The following CXADR variants were observed in gnomAD, a reference collection of about 807,000 sequenced individuals.
The protein encoded by CXADR is coxsackievirus and adenovirus receptor.
CXADR carries 20 observed loss-of-function variants against 40.3 expected under a neutral mutation model. The observed-to-expected ratio is 0.50, with a 90% confidence interval of 0.35 to 0.72. The LOEUF (loss-of-function observed/expected upper bound fraction) is 0.72. Among genes scored for constraint, CXADR ranks in the 30% least tolerant of loss-of-function variants. The probability of loss-of-function intolerance (pLI) is 0.01; values close to 1 mark genes in which losing one functional copy is unlikely to be tolerated. For synonymous variants in CXADR, 150 were observed against 161.3 expected (o/e 0.93, Z 0.53); for missense variants, 332 against 449.1 (o/e 0.74, Z 2.36).
intron 1 of CXADR, among the ~76,000 whole-genome samples, chr21:17,523,271 G>A (rs549951796): frequency 6.6e-5 from 10 of 152,180 alleles, no homozygotes; most frequent in African/African-American, 2.4e-4. Flanking sequence ...ATGGCACAGG[G>A]CATGTTCATT....
intron 7 of CXADR, among the ~76,000 whole-genome samples, chr21:17,591,060 T>A (rs541186860): frequency 1.1e-3 from 161 of 152,034 alleles, no homozygotes; most frequent in East Asian, 2.3e-3. Context: ...TTCCTTTTTT[T>A]AAAAAAAATC....
At position 17,569,574 on chromosome 21, in the gene CXADR, G is replaced by A. The variant is rs1221681584; in HGVS notation, c.*3882G>A. ...AATTCCTTTTATAAATGTTATAGAAGCAGGGAAGAATAATAAACACATTTG... is the reference window on the plus strand; with the variant it reads ...AATTCCTTTTATAAATGTTATAGAAACAGGGAAGAATAATAAACACATTTG... On this transcript the variant is annotated 3_prime_UTR_variant, in exon 7 of 7. Coordinates refer to ENST00000284878, the MANE Select transcript of CXADR (RefSeq NM_001338.5). 1.0e-6 allele frequency: 1 copy of A among 985,110 alleles called. No homozygotes were observed. Among genetic ancestry groups the A allele is most frequent in the Non-Finnish European group, 1.2e-6 (1 of 829,850 alleles). 61.0% of individuals were successfully genotyped at this position (985,110 alleles called of 1,614,324 possible).
the CXADR span, among the ~76,000 whole-genome samples, chr21:17,599,613 G>A: frequency 6.6e-6 from 1 of 151,904 alleles, no homozygotes. Flanking sequence ...CTAAGTAGCT[G>A]GGATTACAGG....
At chr21:17,593,903 A>C (rs1301734429), downstream of CXADR, 4 of 726,680 alleles carry the variant, frequency 5.5e-6, no homozygotes, top group African/African-American at 7.3e-5. Flanking sequence ...AAAATTTCTC[A>C]AACTATATCA....
intron 1 of CXADR, among the ~76,000 whole-genome samples, chr21:17,517,034 T>A (rs2060470734): frequency 6.6e-6 from 1 of 152,168 alleles, no homozygotes; most frequent in Admixed American, 6.5e-5. Flanking sequence ...TGCCTTCATG[T>A]CTGTAGATCT....
chr21:17,547,848 A>C (rs1245080522), intron 2 of CXADR, among the ~76,000 whole-genome samples: 3 of 152,214 alleles, frequency 2.0e-5, no homozygotes, highest in Admixed American at 2.0e-4. Context: ...TTAGTCTTAA[A>C]TTTAAAAAAT....
At chr21:17,513,277 T>C (rs1315410497) in intron 1 of CXADR, 105 bp downstream of exon 1, 2 of 1,111,038 alleles carry the variant, frequency 1.8e-6, no homozygotes, top group Non-Finnish European at 2.3e-6. Flanking sequence ...CGGGCGCGAT[T>C]TGGGGGCGCT....
chr21:17,573,909 G>GA (rs2061299532), downstream of CXADR, among the ~76,000 whole-genome samples: 1 of 145,766 alleles, frequency 6.9e-6, no homozygotes. Flanking sequence ...CTGTAAAAAA[G>GA]AAAAAAATTC....
At chr21:17,544,541 A>C (rs189930736) in intron 1 of CXADR, among the ~76,000 whole-genome samples, 1,730 of 107,152 alleles carry the variant, frequency 0.016, 30 homozygotes, top group African/African-American at 0.047. Flanking sequence ...GCTGGTCTAG[A>C]CTAGGGCTGA....
the CXADR span, among the ~76,000 whole-genome samples, chr21:17,623,940 G>A: frequency 1.3e-5 from 2 of 152,140 alleles, no homozygotes; most frequent in Non-Finnish European, 2.9e-5. Flanking sequence ...TATGTCCATT[G>A]TAATTTCCCT....
At chr21:17,620,579 T>A in the CXADR span, among the ~76,000 whole-genome samples, 38 of 152,144 alleles carry the variant, frequency 2.5e-4, no homozygotes, top group Non-Finnish European at 4.0e-4. Context: ...GGAAAAATGA[T>A]GCTTAAACAC....
chr21:17,609,022 T>C, the CXADR span: 1 of 1,613,962 alleles, frequency 6.2e-7, no homozygotes, highest in Non-Finnish European at 8.5e-7. Flanking sequence ...GATTTTTATA[T>C]TTTTCTTGAA....
At chr21:17,592,002 ATGGGTAGTCGAAACAC>A (rs2061440850) in intron 7 of CXADR, among the ~76,000 whole-genome samples, 1 of 151,926 alleles carries the variant, frequency 6.6e-6, no homozygotes, top group African/African-American at 2.4e-5. Flanking sequence ...AAGGTGGAGG[ATGGGTAGTCGAAACAC>A]TGGCAGAATC....
the CXADR span, among the ~76,000 whole-genome samples, chr21:17,621,677 C>G: frequency 6.6e-6 from 1 of 152,148 alleles, no homozygotes; most frequent in African/African-American, 2.4e-5. Flanking sequence ...CACTTGCCTT[C>G]AGCCATGTGA....
chr21:17,576,087 C>CAA (rs35462120), intron 7 of CXADR, among the ~76,000 whole-genome samples: 4,466 of 120,922 alleles, frequency 0.037, 226 homozygotes, highest in East Asian at 0.19. Flanking sequence ...GACTCCATCT[C>CAA]AAAAAAAAAA....
In CXADR at chr21:17,531,649, G is replaced by A. The variant is rs1265030990; in HGVS notation, c.44-15378G>A. Among the ~76,000 whole-genome samples, 3 of 152,156 alleles carry A rather than the reference G, an allele frequency of 2.0e-5. No homozygotes were observed. The East Asian group carries it at 5.8e-4, about 29-fold the overall frequency. On this transcript the variant is annotated intron_variant, in intron 1 of 6. Coordinates refer to ENST00000284878, the MANE Select transcript of CXADR (RefSeq NM_001338.5). ...CTACCTACAAAATGTTCAGCCTCTT[G>A]TATTTTAAGTTAATATTGTAGTCCC...
chr21:17,560,983 A>T (rs2061110578), intron 5 of CXADR, among the ~76,000 whole-genome samples, 159 bp downstream of exon 5: 1 of 152,216 alleles, frequency 6.6e-6, no homozygotes, highest in Non-Finnish European at 1.5e-5. Flanking sequence ...ACATTTTATT[A>T]AAAAAACTTC....
At chr21:17,622,486 T>TAA in the CXADR span, among the ~76,000 whole-genome samples, 1 of 152,190 alleles carries the variant, frequency 6.6e-6, no homozygotes, top group Non-Finnish European at 1.5e-5. Context: ...TACCTATATA[T>TAA]AATGCATATA....
At position 17,566,872 on chromosome 21, in the gene CXADR, T is replaced by G. The variant is rs2061215638; in HGVS notation, c.*1180T>G. Reference sequence around the variant, plus strand: ...AGTTGCTGTTGTGTGATCAAACATGTCTCTGTGTAGTTCCAGCAAATCAAG... The same window carrying G: ...AGTTGCTGTTGTGTGATCAAACATGGCTCTGTGTAGTTCCAGCAAATCAAG... On this transcript the variant is annotated 3_prime_UTR_variant, in exon 7 of 7. Coordinates refer to ENST00000284878, the MANE Select transcript of CXADR (RefSeq NM_001338.5). 1.0e-6 allele frequency: 1 copy of G among 984,208 alleles called. No homozygotes were observed. The highest frequency in any genetic ancestry group is 1.2e-6 in the Non-Finnish European group (1 of 829,218). 61.0% of individuals were successfully genotyped at this position (984,208 alleles called of 1,614,324 possible). A position where few individuals can be genotyped will look rare whatever the true frequency, so the allele number is the denominator to read the frequency against.
Sources: allele counts gnomAD v4.1 joint callset (sites outside exome capture counted in the v4.1 genomes callset), GRCh38; gene constraint gnomAD v4.1.1; transcripts MANE v1.5; gene names NCBI Gene and HGNC (gene_info 2026-07-23, HGNC 2026-07-21).